The following CCNH variants were observed in gnomAD, a reference collection of about 807,000 sequenced individuals.
The protein encoded by CCNH is cyclin-H.
A neutral mutation model predicts 41.9 loss-of-function variants in CCNH; 31 were observed. The ratio of observed to expected loss-of-function variants is 0.74; its 90% CI spans 0.56 to 1.00. The LOEUF is 1.00. Among genes scored for constraint, CCNH ranks in the 50% least tolerant of loss-of-function variants. The probability of loss-of-function intolerance (pLI) is 0.00; values close to 1 mark genes in which losing one functional copy is unlikely to be tolerated. For synonymous variants in CCNH, 138 were observed against 136.1 expected (o/e 1.01, Z -0.10); for missense variants, 362 against 388.4 (o/e 0.93, Z 0.57).
In CCNH at chr5:87,321,934, T is replaced by C. The variant is rs577479733; in HGVS notation, c.*91-3037A>G. Among the ~76,000 whole-genome samples, 3 of 152,282 alleles carry C rather than the reference T, an allele frequency of 2.0e-5. No homozygotes were observed. The East Asian group carries it at 5.8e-4, about 29-fold the overall frequency. ...CAGATGAAAGGAGGGCAGGAGAAGG[T>C]CAGGGATATTGTTTCCTGAGGCCTA... On this transcript the variant is annotated intron_variant and NMD_transcript_variant, in intron 9 of 9. Coordinates refer to the CCNH transcript ENST00000645953.
chr5:87,368,505 CA>C (rs1198558262), intron 9 of CCNH, among the ~76,000 whole-genome samples: 1 of 152,114 alleles, frequency 6.6e-6, no homozygotes, highest in Non-Finnish European at 1.5e-5. Flanking sequence ...AGACATTGTA[CA>C]TGAAAAACTA....
chr5:87,411,124 AAG>A, intron 2 of CCNH, 98 bp downstream of exon 2: 1 of 1,228,574 alleles, frequency 8.1e-7, no homozygotes, highest in South Asian at 1.9e-5. Flanking sequence ...AATTGTAACT[AAG>A]GTGAATTTTT....
At chr5:87,317,183 G>A (rs985755436), downstream of CCNH, among the ~76,000 whole-genome samples, 1 of 152,030 alleles carries the variant, frequency 6.6e-6, no homozygotes, top group African/African-American at 2.4e-5. Flanking sequence ...GCGCCTGGCG[G>A]ATACCACAAA....
intron 9 of CCNH, chr5:87,333,135 A>G: frequency 1.5e-6 from 2 of 1,367,994 alleles, no homozygotes; most frequent in Non-Finnish European, 2.0e-6. Context: ...TTATAGTCCA[A>G]GTAAAAATTT....
chr5:87,362,989 A>T (rs1275168330), intron 9 of CCNH, among the ~76,000 whole-genome samples: 4 of 151,646 alleles, frequency 2.6e-5, no homozygotes, highest in South Asian at 2.1e-4. Context: ...ATTTGACATA[A>T]CGACATTTTG....
intron 9 of CCNH, among the ~76,000 whole-genome samples, chr5:87,370,413 A>G (rs1760841806): frequency 6.6e-6 from 1 of 152,218 alleles, no homozygotes; most frequent in Admixed American, 6.5e-5. Context: ...TATAGCGTCT[A>G]TTAAGTAATT....
At chr5:87,398,655 A>G (rs1458807310) in intron 7 of CCNH, among the ~76,000 whole-genome samples, 1 of 152,174 alleles carries the variant, frequency 6.6e-6, no homozygotes, top group Non-Finnish European at 1.5e-5. Flanking sequence ...ATGGCTAGCC[A>G]CAAGAAGAAA....
At chr5:87,356,174 G>C (rs906940719) in intron 9 of CCNH, among the ~76,000 whole-genome samples, 1 of 152,182 alleles carries the variant, frequency 6.6e-6, no homozygotes, top group Non-Finnish European at 1.5e-5. Flanking sequence ...AAGTTCAACT[G>C]TGGGTAAAAT....
At chr5:87,389,746 G>A (rs1214870042), downstream of CCNH, among the ~76,000 whole-genome samples, 1 of 152,200 alleles carries the variant, frequency 6.6e-6, no homozygotes, top group East Asian at 1.9e-4. Flanking sequence ...TCTTGAGTCT[G>A]AATGTTAATT....
chr5:87,318,610 A>G (rs1756525448), exon 10 of CCNH: 1 of 152,138 alleles, frequency 6.6e-6, no homozygotes, highest in African/African-American at 2.4e-5. Flanking sequence ...TCTTGTGAGA[A>G]CTCACTATCA....
chr5:87,317,959 A>AT (rs1001684772), downstream of CCNH, among the ~76,000 whole-genome samples: 9 of 151,588 alleles, frequency 5.9e-5, no homozygotes, highest in Non-Finnish European at 8.8e-5. Context: ...TCTTAAGCTC[A>AT]TTTTTTCCCA....
upstream of CCNH, chr5:87,379,920 C>A: frequency 6.9e-7 from 1 of 1,458,880 alleles, no homozygotes; most frequent in Non-Finnish European, 9.5e-7. Flanking sequence ...ATTTCTAAAA[C>A]GTGAAAGCTT....
intron 9 of CCNH, chr5:87,385,264 G>A (rs1761988597): frequency 7.6e-7 from 1 of 1,316,884 alleles, no homozygotes; most frequent in African/African-American, 1.5e-5. Context: ...AGTGCTGTTG[G>A]ACTTGGTGTC....
At chr5:87,313,512 T>C (rs1580234205), downstream of CCNH, among the ~76,000 whole-genome samples, 2 of 152,204 alleles carry the variant, frequency 1.3e-5, no homozygotes, top group African/African-American at 4.8e-5. Flanking sequence ...GCAGGACTTT[T>C]TGACAGATTT....
downstream of CCNH, among the ~76,000 whole-genome samples, chr5:87,388,935 T>C (rs1398210049): frequency 6.6e-6 from 1 of 152,130 alleles, no homozygotes; most frequent in Non-Finnish European, 1.5e-5. Flanking sequence ...CCCCACCCCT[T>C]ATTTTTAGAA....
At chr5:87,377,107 A>C in exon 1 of CCNH, 1 of 1,503,906 alleles carries the variant, frequency 6.6e-7, no homozygotes, top group Non-Finnish European at 9.2e-7. Context: ...GGATATATGG[A>C]CTCTATCTCT....
In CCNH at chr5:87,346,265, A is replaced by G. The variant is rs1758852162; in HGVS notation, c.*91-27368T>C. Among the ~76,000 whole-genome samples, 2 of 152,000 alleles carry G rather than the reference A, an allele frequency of 1.3e-5. 1 individual carries two copies. Among genetic ancestry groups the G allele is most frequent in the South Asian group, 4.1e-4 (2 of 4,832 alleles). On this transcript the variant is annotated intron_variant and NMD_transcript_variant, in intron 9 of 9. Transcript: ENST00000645953. ...TATCTTGATTTTATTTGAGGAGAGA[A>G]TTTATCAGATGTTATAGGAAAATTC...
intron 9 of CCNH, chr5:87,362,741 TG>T (rs2112457917): frequency 6.6e-7 from 1 of 1,506,412 alleles, no homozygotes; most frequent in African/African-American, 1.4e-5. Context: ...GAACTTATTG[TG>T]ATATATATTT....
chr5:87,315,629 A>G (rs924591844), downstream of CCNH, among the ~76,000 whole-genome samples: 2 of 152,222 alleles, frequency 1.3e-5, no homozygotes, highest in African/African-American at 4.8e-5. Context: ...CCTAGAGTAA[A>G]TATAGAATAC....
Sources: gnomAD v4.1 joint callset for allele counts (sites outside exome capture counted in the v4.1 genomes callset) on GRCh38, gnomAD v4.1.1 for gene constraint, MANE v1.5 for transcripts, NCBI Gene and HGNC (gene_info 2026-07-23, HGNC 2026-07-21) for gene names.